C3: variants seen among roughly 807,000 people sequenced by gnomAD.
The protein encoded by C3 is complement C3.
In C3, 97 loss-of-function variants were observed where a neutral mutation model predicts 207.9. The observed-to-expected ratio is 0.47, with a 90% CI of 0.40 to 0.55. The LOEUF is 0.55. Ranked by LOEUF, C3 falls within the 20% of genes least tolerant of loss-of-function variation. The pLI, the probability that C3 is intolerant of heterozygous loss-of-function variation, is 0.00. For missense variants in C3, 1,684 were observed against 2,171.7 expected, an observed-to-expected ratio of 0.78 and a Z score of 4.46; for synonymous variants, 848 against 857.6, an observed-to-expected ratio of 0.99 and a Z score of 0.20.
intron 17 of C3, among the ~76,000 whole-genome samples, chr19:6,704,223 G>T (rs545210030): frequency 6.6e-6 from 1 of 152,098 alleles, no homozygotes; most frequent in Non-Finnish European, 1.5e-5. Flanking sequence ...AGAGGTTGAC[G>T]CTGCAGTGAG....
chr19:6,697,185 C>A (rs1967557317), intron 21 of C3, among the ~76,000 whole-genome samples, 159 bp downstream of exon 21: 1 of 130,056 alleles, frequency 7.7e-6, no homozygotes, highest in Non-Finnish European at 1.6e-5. Context: ...TTACCCCAAT[C>A]CTGGCTCTGC....
intron 17 of C3, among the ~76,000 whole-genome samples, chr19:6,704,974 A>G (rs1967744220): frequency 6.6e-6 from 1 of 152,240 alleles, no homozygotes; most frequent in East Asian, 1.9e-4. Flanking sequence ...CCAGAGCTCA[A>G]GCGATCCCGC....
At chr19:6,680,514 T>C (rs1051624671) in intron 35 of C3, among the ~76,000 whole-genome samples, 2 of 152,156 alleles carry the variant, frequency 1.3e-5, no homozygotes, top group African/African-American at 2.4e-5. Context: ...AAACAACCCA[T>C]GCACAATCTT....
At chr19:6,687,029 T>TC (rs1172711655) in intron 27 of C3, 127 bp from the exon 28 acceptor site, 1 of 1,008,538 alleles carries the variant, frequency 9.9e-7, no homozygotes, top group Non-Finnish European at 1.5e-6. Flanking sequence ...CTTAGATTTG[T>TC]CCATTTTTGA....
intron 35 of C3, among the ~76,000 whole-genome samples, chr19:6,681,251 C>G (rs1409043486): frequency 7.0e-6 from 1 of 142,198 alleles, no homozygotes; most frequent in East Asian, 2.1e-4. Flanking sequence ...TTTTAATTCA[C>G]TGGGCATGGT....
At chr19:6,701,755 C>A (rs1967679160) in intron 19 of C3, among the ~76,000 whole-genome samples, 1 of 152,122 alleles carries the variant, frequency 6.6e-6, no homozygotes, top group Non-Finnish European at 1.5e-5. Context: ...GAACTCCTGA[C>A]CTGAAGTGAT....
chr19:6,718,067 T>C lies in C3; in HGVS notation c.504+27A>G, dbSNP rs2547438. The stretch of plus-strand genomic sequence containing the variant: ...CCTCTCCTAAGCCTGTGCCCCTGCT[T>C]CCCCTGGGGCCCCCTCTGGCTGGCA... On this transcript the variant is annotated intron_variant, in intron 4 of 40. Coordinates refer to ENST00000245907, the MANE Select transcript of C3 (RefSeq NM_000064.4). 1 of 1,610,736 alleles carries C rather than the reference T, an allele frequency of 6.2e-7. No homozygotes were observed. The highest frequency in any genetic ancestry group is 8.5e-7 in the Non-Finnish European group (1 of 1,177,002).
chr19:6,700,905 A>T (rs901549153), intron 19 of C3, among the ~76,000 whole-genome samples: 2 of 150,526 alleles, frequency 1.3e-5, no homozygotes, highest in African/African-American at 4.9e-5. Flanking sequence ...TGGCTGGATG[A>T]CCGAGTGAGA....
chr19:6,686,030 C>T, intron 29 of C3, 94 bp downstream of exon 29: 2 of 1,285,028 alleles, frequency 1.6e-6, no homozygotes, highest in Non-Finnish European at 2.3e-6. Context: ...GAATGAAGAA[C>T]TGCCTCGCTG....
intron 2 of C3, among the ~76,000 whole-genome samples, chr19:6,718,785 G>A (rs1968099223): frequency 6.6e-6 from 1 of 151,140 alleles, no homozygotes; most frequent in South Asian, 2.1e-4. Flanking sequence ...TCGAGGGGGA[G>A]GGGCTTGGAA....
chr19:6,694,518 T>G lies in C3; in HGVS notation c.3067A>C (p.Ile1023Leu). 6.2e-7 allele frequency: 1 copy of G among 1,614,166 alleles called. No homozygotes were observed. The highest frequency in any genetic ancestry group is 1.6e-4 in the Middle Eastern group (1 of 6,062). Reference protein sequence around the residue: ...QNMIGMTPTVIAVHYLDETEQ... With the variant: ...QNMIGMTPTVLAVHYLDETEQ... The stretch of plus-strand genomic sequence containing the variant: ...GTTTCATCCAGGTAATGCACAGCGA[T>G]GACCGTGGGCGTCATGCCGATCATG... The change falls in exon 24 of 41, where the codon ATC (isoleucine) becomes CTC (leucine). Residue 1023 changes from isoleucine to leucine, a missense_variant. Physicochemically the swap from Ile to Leu is conservative, Grantham distance 5. Around this residue, in one of 3 missense-constraint regions of C3, gnomAD observed 1,280 missense variants for 1,739.1 expected, o/e 0.74. Coordinates refer to ENST00000245907, the MANE Select transcript of C3 (RefSeq NM_000064.4).
chr19:6,689,476 G>T (rs11569521), intron 27 of C3, among the ~76,000 whole-genome samples: 3,298 of 151,188 alleles, frequency 0.022, 104 homozygotes, highest in African/African-American at 0.075. Flanking sequence ...TTTTCCTAAG[G>T]GGGGAGAAGC....
At chr19:6,714,145 C>T (rs780703341) in intron 6 of C3, 21 bp downstream of exon 6, 1 of 1,612,632 alleles carries the variant, frequency 6.2e-7, no homozygotes, top group Admixed American at 1.7e-5. Context: ...ACTGACTCCC[C>T]CCAGCCCCTC....
chr19:6,713,109 G>T (rs1425360137), intron 9 of C3, 80 bp downstream of exon 9: 1 of 1,549,006 alleles, frequency 6.5e-7, no homozygotes, highest in African/African-American at 1.4e-5. Flanking sequence ...CTTAGACTAG[G>T]CTTTCTCTTC....
At position 6,696,460 on chromosome 19, in the gene C3, C is replaced by T. The variant is rs375348178; in HGVS notation, c.2869G>A (p.Val957Met). Residue 957 changes from valine to methionine, a missense_variant, in exon 23 of 41, where the codon GTG becomes ATG. Val to Met is a conservative substitution (Grantham distance 21). This residue lies in a region of C3 where 1,280 missense variants were observed against 1,739.1 expected (regional missense o/e 0.74). Coordinates refer to ENST00000245907, the MANE Select transcript of C3 (RefSeq NM_000064.4). ...LDPERLGREG[V>M]QKEDIPPADL... ...GCAGGTGGGATGTCCTCTTTCTGCA[C>T]TCCTTCTGCAGGGTGAGTGAGAGAT... 2 of 1,612,750 alleles carry T rather than the reference C, an allele frequency of 1.2e-6. No individual in the cohort carries two copies. The highest frequency in any genetic ancestry group is 2.2e-5 in the South Asian group (2 of 91,058).
intron 19 of C3, among the ~76,000 whole-genome samples, chr19:6,698,110 G>T (rs1177405656): frequency 6.6e-6 from 1 of 151,976 alleles, no homozygotes; most frequent in Non-Finnish European, 1.5e-5. Context: ...TCCGCCTCCT[G>T]GGTTCAAGCA....
chr19:6,710,865 T>C lies in C3; in HGVS notation c.1480-20A>G. 6.2e-7 allele frequency: 1 copy of C among 1,611,828 alleles called. No homozygotes were observed. On this transcript the variant is annotated intron_variant, in intron 12 of 40. Coordinates refer to ENST00000245907, the MANE Select transcript of C3 (RefSeq NM_000064.4). ...CATGATCTGGGGGGACAGGCTGGCA[T>C]CAGGCTGGGGAGGGTGAGTGGCAGG... is the stretch of plus-strand genomic sequence containing the variant.
chr19:6,686,066 C>G, intron 29 of C3, 58 bp downstream of exon 29: 2 of 1,570,598 alleles, frequency 1.3e-6, no homozygotes, highest in Non-Finnish European at 8.8e-7. Flanking sequence ...TCTAGGAGGC[C>G]AGTGGGAAGC....
At chr19:6,689,803 G>A (rs150103815) in intron 27 of C3, among the ~76,000 whole-genome samples, 2,141 of 152,252 alleles carry the variant, frequency 0.014, 44 homozygotes, top group African/African-American at 0.049. Context: ...CCAATATGGT[G>A]AAACCTCATG....
Sources: allele counts gnomAD v4.1 joint callset (sites outside exome capture counted in the v4.1 genomes callset), GRCh38; gene constraint gnomAD v4.1.1; regional missense constraint gnomAD v4.1.1; transcripts MANE v1.5; gene names NCBI Gene and HGNC (gene_info 2026-07-23, HGNC 2026-07-21).